Variants in SMPDL3B observed in about 807,000 individuals in gnomAD.
The protein encoded by SMPDL3B is sphingomyelin phosphodiesterase acid like 3B.
Under a neutral mutation model 37.9 loss-of-function variants are expected in SMPDL3B, and 31 were observed. That is an observed-to-expected ratio of 0.82 (90% CI 0.61 to 1.10). The LOEUF is 1.10. Among genes scored for constraint, SMPDL3B ranks in the 50% least tolerant of loss-of-function variants. The probability of loss-of-function intolerance (pLI) is 0.00; values close to 1 mark genes in which losing one functional copy is unlikely to be tolerated. For missense variants in SMPDL3B, 525 were observed against 597.8 expected, an observed-to-expected ratio of 0.88 and a Z score of 1.27; for synonymous variants, 235 against 242.6, an observed-to-expected ratio of 0.97 and a Z score of 0.29.
intron 1 of SMPDL3B, among the ~76,000 whole-genome samples, chr1:27,943,166 A>G (rs766363163): frequency 6.6e-6 from 1 of 152,196 alleles, no homozygotes; most frequent in African/African-American, 2.4e-5. Flanking sequence ...AGAGATCCCC[A>G]TCATTTACCA....
At chr1:27,947,877 G>A (rs939002027) in intron 2 of SMPDL3B, among the ~76,000 whole-genome samples, 7 of 151,790 alleles carry the variant, frequency 4.6e-5, no homozygotes, top group East Asian at 2.0e-4. Flanking sequence ...CACCGCCCCC[G>A]GCCTAGGTGT....
At chr1:27,950,354 C>T (rs1288181543) in intron 3 of SMPDL3B, among the ~76,000 whole-genome samples, 2 of 152,180 alleles carry the variant, frequency 1.3e-5, no homozygotes, top group Non-Finnish European at 2.9e-5. Context: ...TAGTCGGTTC[C>T]GAGGGAGGGA....
rs368929739 is a variant in SMPDL3B, at chr1:27,958,525, C to T, written c.1055C>T (p.Thr352Met). The change falls in exon 8 of 8, where the codon ACG (threonine) becomes ATG (methionine). Residue 352 changes from threonine (T) to methionine (M), a missense_variant. Transcript: ENST00000373894. The surrounding 1 kb of genome is among the most constrained non-coding windows in gnomAD (Gnocchi z 5.6). ...CTGAGCCAGGCGAATGCTCAGGGGA[C>T]GCCGCGCTGGGAGCTCGAGTACCAG... ...MNLSQANAQG[T>M]PRWELEYQLT... 54 of 1,613,522 alleles carry T rather than the reference C, an allele frequency of 3.3e-5. No homozygotes were observed. Among genetic ancestry groups the T allele is most frequent in the South Asian group, 2.4e-4 (22 of 91,006 alleles).
Position 27,958,763 on chromosome 1 carries a change from C to G in SMPDL3B, c.1293C>G (p.Ala431=), listed in dbSNP as rs1251298132. 1.2e-5 allele frequency: 20 copies of G among 1,612,304 alleles called. No individual in the cohort carries two copies. Among genetic ancestry groups the G allele is most frequent in the Non-Finnish European group, 1.7e-5 (20 of 1,179,008 alleles). Residue 431 remains alanine, a synonymous_variant, in exon 8 of 8, where the codon GCC becomes GCG. Transcript: ENST00000373894. This position sits in a 1 kb window ranked among gnomAD's most constrained non-coding sequence, Gnocchi z 5.6. ...ACGCTTACACCACCTGTCTGTATGC[C>G]TCTGGCACCACGCCCGTGCCCCAGC... is the stretch of plus-strand genomic sequence containing the variant. ...DIDAYTTCLY[A]SGTTPVPQLP... is the part of the protein sequence containing the mutation.
chr1:27,952,794 C>T lies in SMPDL3B; in HGVS notation c.374-421C>T, dbSNP rs113176253. On this transcript the variant is annotated intron_variant, in intron 3 of 7. Coordinates refer to ENST00000373894, the MANE Select transcript of SMPDL3B (RefSeq NM_014474.4). Reference sequence around the variant, plus strand: ...TGGTGCTCAATAAGATACTTGCTGACTGCATGGATGAGTGAAACTCCTAAG... The same window carrying T: ...TGGTGCTCAATAAGATACTTGCTGATTGCATGGATGAGTGAAACTCCTAAG... 3.4e-3 allele frequency among the ~76,000 whole-genome samples: 511 copies of T among 152,352 alleles called. 4 individuals are homozygous for T. Among genetic ancestry groups the T allele is most frequent in the African/African-American group, 0.012 (488 of 41,580 alleles).
chr1:27,938,029 TC>T (rs2090324051), intron 1 of SMPDL3B, among the ~76,000 whole-genome samples: 1 of 152,132 alleles, frequency 6.6e-6, no homozygotes, highest in South Asian at 2.1e-4. Flanking sequence ...CCCCTTAATC[TC>T]CAGGCAATTA....
rs2090394683 is a variant in SMPDL3B at position 27,945,086 on chromosome 1, G to A, written c.62-146G>A. 1 of 690,992 alleles carries A rather than the reference G, an allele frequency of 1.4e-6. No homozygotes were observed. Among genetic ancestry groups the A allele is most frequent in the Admixed American group, 2.3e-5 (1 of 44,070 alleles). The allele number at this position is 690,992 out of a possible 1,614,324, so 42.8% of individuals were successfully genotyped here. A position where few individuals can be genotyped will look rare whatever the true frequency, so the allele number is the denominator to read the frequency against. On this transcript the variant is annotated intron_variant, in intron 1 of 7. Transcript: ENST00000373894. This position sits in a 1 kb window ranked among gnomAD's most constrained non-coding sequence, Gnocchi z 4.0. ...TCCCTGGGCAGAGCCAGGCCTGTGG[G>A]CCTTTTCTCTGAACCCGGGGTGCTC...
At chr1:27,957,128 T>C (rs919494647) in intron 7 of SMPDL3B, among the ~76,000 whole-genome samples, 1 of 151,968 alleles carries the variant, frequency 6.6e-6, no homozygotes, top group African/African-American at 2.4e-5. Flanking sequence ...TCCTGTGACT[T>C]ATAATTTTAT....
rs962449730 is a variant in SMPDL3B at position 27,958,122 on chromosome 1, A to G, written c.1006-354A>G. On this transcript the variant is annotated intron_variant, in intron 7 of 7. Coordinates refer to ENST00000373894, the MANE Select transcript of SMPDL3B (RefSeq NM_014474.4). This position sits in a 1 kb window ranked among gnomAD's most constrained non-coding sequence, Gnocchi z 5.6. ...GTTGCTTTTATCTATTCATTATGTA[A>G]ATATTTACTGAGCGTCTTCTATGTG... Among the ~76,000 whole-genome samples, 2 of 152,078 alleles carry G rather than the reference A, an allele frequency of 1.3e-5. No homozygotes were observed. Among genetic ancestry groups the G allele is most frequent in the African/African-American group, 4.8e-5 (2 of 41,374 alleles).
chr1:27,943,214 C>T (rs2090375294), intron 1 of SMPDL3B, among the ~76,000 whole-genome samples: 1 of 152,208 alleles, frequency 6.6e-6, no homozygotes, highest in Non-Finnish European at 1.5e-5. Flanking sequence ...ACCTTAGTTT[C>T]CTTATCTGTA....
chr1:27,958,956 C>T lies in SMPDL3B; in HGVS notation c.*118C>T, dbSNP rs559222737. On this transcript the variant is annotated 3_prime_UTR_variant, in exon 8 of 8. Transcript: ENST00000373894. This position sits in a 1 kb window ranked among gnomAD's most constrained non-coding sequence, Gnocchi z 5.6. ...GAGGAGTGAACTGAAATAGGACAACCGAATCAGGAAGCGAAGCCCCAGGAG... is the reference window on the plus strand; with the variant it reads ...GAGGAGTGAACTGAAATAGGACAACTGAATCAGGAAGCGAAGCCCCAGGAG... 2 of 1,261,060 alleles carry T rather than the reference C, an allele frequency of 1.6e-6. No individual in the cohort carries two copies. The highest frequency in any genetic ancestry group is 1.5e-5 in the African/African-American group (1 of 66,318). 78.1% of individuals were successfully genotyped at this position (1,261,060 alleles called of 1,614,324 possible).
intron 2 of SMPDL3B, among the ~76,000 whole-genome samples, chr1:27,947,653 G>GTTT (rs548126184): frequency 1.9e-5 from 2 of 106,154 alleles, no homozygotes; most frequent in African/African-American, 3.4e-5. Flanking sequence ...GTGTTTTTTT[G>GTTT]TTTTTTTTTT....
intron 2 of SMPDL3B, 79 bp from the exon 3 acceptor site, chr1:27,948,986 C>T (rs769266530): frequency 1.2e-6 from 2 of 1,602,992 alleles, no homozygotes; most frequent in Non-Finnish European, 1.7e-6. Flanking sequence ...GTTTTCCTCT[C>T]ACTGCAGAGC....
intron 1 of SMPDL3B, among the ~76,000 whole-genome samples, chr1:27,940,082 T>C (rs979482244): frequency 6.6e-6 from 1 of 152,220 alleles, no homozygotes; most frequent in Non-Finnish European, 1.5e-5. Context: ...CTTGCAGAGC[T>C]ATGAGGCCTT....
rs1428828093 is a variant in SMPDL3B, at chr1:27,955,987, A to C, written c.910A>C (p.Thr304Pro). The C allele has an allele frequency of 1.9e-6, 3 of 1,613,782 alleles. No homozygotes were observed. In the African/African-American group the frequency reaches 4.0e-5, roughly 22 times the overall value. ...ISAMFITPGV[T>P]PWKTTLPGVV... is the part of the protein sequence containing the mutation. Reference sequence around the variant, plus strand: ...CGCCATGTTCATCACACCTGGAGTCACCCCATGGAAAACCACATTACCTGG... The same window carrying C: ...CGCCATGTTCATCACACCTGGAGTCCCCCCATGGAAAACCACATTACCTGG... Residue 304 changes from threonine (T) to proline (P), a missense_variant, in exon 7 of 8, where the codon ACC becomes CCC. Thr to Pro is a conservative substitution (Grantham distance 38). Transcript: ENST00000373894.
intron 3 of SMPDL3B, among the ~76,000 whole-genome samples, chr1:27,949,586 A>C (rs2090438315): frequency 6.6e-6 from 1 of 152,162 alleles, no homozygotes; most frequent in African/African-American, 2.4e-5. Context: ...ATTTCCAGCC[A>C]AGGTGCTGTT....
At position 27,955,784 on chromosome 1, in the gene SMPDL3B, G is replaced by A. The variant is rs755194111; in HGVS notation, c.791G>A (p.Arg264Gln). 23 of 1,613,992 alleles carry A rather than the reference G, an allele frequency of 1.4e-5. No individual in the cohort carries two copies. The highest frequency in any genetic ancestry group is 6.7e-5 in the East Asian group (3 of 44,876). Residue 264 changes from arginine (R) to glutamine (Q), a missense_variant, in exon 6 of 8, where the codon CGG (arginine) becomes CAG (glutamine). Arg to Gln is a conservative substitution (Grantham distance 43). Coordinates refer to ENST00000373894, the MANE Select transcript of SMPDL3B (RefSeq NM_014474.4). ...AATGAAAAATACCTGAAGGTGGTCC[G>A]GAAGCATCATCGCGTCATAGCAGGG... ...GFNEKYLKVV[R>Q]KHHRVIAGQF...
At position 27,945,517 on chromosome 1, in the gene SMPDL3B, T is replaced by G. The variant is rs759586530; in HGVS notation, c.275+72T>G. On this transcript the variant is annotated intron_variant, in intron 2 of 7. Coordinates refer to ENST00000373894, the MANE Select transcript of SMPDL3B (RefSeq NM_014474.4). This position sits in a 1 kb window ranked among gnomAD's most constrained non-coding sequence, Gnocchi z 4.0. ...TGTGCTACATACCAGTCTGGCCCTT[T>G]GCCCACATTATCTCCCTTAATCCTC... 1.1e-4 allele frequency: 133 copies of G among 1,206,954 alleles called. No individual in the cohort carries two copies. Among genetic ancestry groups the G allele is most frequent in the Non-Finnish European group, 1.6e-4 (130 of 822,820 alleles). The allele number at this position is 1,206,954 out of a possible 1,614,324, so 74.8% of individuals were successfully genotyped here. A position where few individuals can be genotyped will look rare whatever the true frequency, so the allele number is the denominator to read the frequency against.
chr1:27,944,518 C>T (rs905520019), intron 1 of SMPDL3B, among the ~76,000 whole-genome samples: 5 of 152,004 alleles, frequency 3.3e-5, no homozygotes, highest in Admixed American at 3.3e-4. Context: ...CCACACCCGA[C>T]GAATTTTCTA....
Sources: gnomAD v4.1 joint callset for allele counts (sites outside exome capture counted in the v4.1 genomes callset) on GRCh38, gnomAD v4.1.1 for gene constraint, Gnocchi (gnomAD v3.1) non-coding constraint, MANE v1.5 for transcripts, NCBI Gene and HGNC (gene_info 2026-07-23, HGNC 2026-07-21) for gene names.